The following ZNF676 variants were observed in gnomAD, a reference collection of about 807,000 sequenced individuals.
ZNF676 encodes zinc finger protein 676.
ZNF676 carries 4 observed loss-of-function variants against 6.0 expected under a neutral mutation model. That is an observed-to-expected ratio of 0.67 (90% CI 0.33 to 1.53). The LOEUF is 1.53. Ranked by LOEUF, ZNF676 falls within the 40% of genes most tolerant of loss-of-function variation. The pLI, the probability that ZNF676 is intolerant of heterozygous loss-of-function variation, is 0.06. For missense variants in ZNF676, 644 were observed against 679.7 expected (o/e 0.95, Z 0.58); for synonymous variants, 198 against 223.1 (o/e 0.89, Z 1.00).
chr19:22,180,311 C>G lies in ZNF676; in HGVS notation c.1406G>C (p.Arg469Thr). 1 of 1,611,488 alleles carries G rather than the reference C, an allele frequency of 6.2e-7. No individual in the cohort carries two copies. Among genetic ancestry groups the G allele is most frequent in the Non-Finnish European group, 8.5e-7 (1 of 1,178,598 alleles). ...GTAAGGTTTCTCTGCAGCATGAATT[C>G]TCTTGTGTTTAGTAAAGCTTGAGGA... ...TWSSSFTKHK[R>T]IHAAEKPYKC... Residue 469 changes from arginine to threonine, a missense_variant, in exon 3 of 3, where the codon AGA becomes ACA. Transcript: ENST00000397121.
chr19:22,259,989 C>T, the ZNF676 span, among the ~76,000 whole-genome samples: 1 of 152,184 alleles, frequency 6.6e-6, no homozygotes. Flanking sequence ...TGATATGCCG[C>T]AATCCAATTT....
chr19:22,196,736 A>G lies in ZNF676; in HGVS notation c.-103T>C. On this transcript the variant is annotated 5_prime_UTR_variant, in exon 1 of 3. Transcript: ENST00000397121. ...TAAATGTCAATGCTCCCTGGAAAACACACACAAACACATATATTTACCAAT... is the reference window on the plus strand; with the variant it reads ...TAAATGTCAATGCTCCCTGGAAAACGCACACAAACACATATATTTACCAAT... 6.3e-7 allele frequency: 1 copy of G among 1,590,114 alleles called. No homozygotes were observed. The highest frequency in any genetic ancestry group is 8.6e-7 in the Non-Finnish European group (1 of 1,159,388).
the ZNF676 span, among the ~76,000 whole-genome samples, chr19:22,235,130 AGGAAG>A: frequency 6.7e-6 from 1 of 148,682 alleles, no homozygotes; most frequent in South Asian, 2.2e-4. Flanking sequence ...GCAGGAAGGA[AGGAAG>A]GAAGGAAGGA....
At chr19:22,238,577 T>C in the ZNF676 span, among the ~76,000 whole-genome samples, 3 of 152,158 alleles carry the variant, frequency 2.0e-5, no homozygotes, top group Non-Finnish European at 4.4e-5. Context: ...TCCTTAATAT[T>C]CTGTTCCTCT....
upstream of ZNF676, among the ~76,000 whole-genome samples, chr19:22,219,033 A>ATTTT (rs34819381): frequency 1.4e-3 from 168 of 119,694 alleles, no homozygotes; most frequent in African/African-American, 4.8e-3. Context: ...TAGTTTTAGG[A>ATTTT]TTTTTTTTTT....
the ZNF676 span, among the ~76,000 whole-genome samples, chr19:22,251,286 C>T: frequency 3.3e-5 from 5 of 152,110 alleles, no homozygotes; most frequent in African/African-American, 1.2e-4. Context: ...ATCAGTTTTA[C>T]CATGATTTGT....
At chr19:22,259,888 T>G in the ZNF676 span, 2 of 152,244 alleles carry the variant, frequency 1.3e-5, no homozygotes, top group African/African-American at 2.4e-5. Flanking sequence ...CATATCACCT[T>G]AGTTATGAGC....
At chr19:22,209,653 A>G (rs1182513927) in intron 1 of ZNF676, among the ~76,000 whole-genome samples, 1 of 152,164 alleles carries the variant, frequency 6.6e-6, no homozygotes, top group African/African-American at 2.4e-5. Flanking sequence ...CAAAAATAAA[A>G]GTTAAAAGAA....
chr19:22,179,898 A>C lies in ZNF676; in HGVS notation c.*52T>G, dbSNP rs572712078. On this transcript the variant is annotated 3_prime_UTR_variant, in exon 3 of 3. Coordinates refer to ENST00000397121, the MANE Select transcript of ZNF676 (RefSeq NM_001001411.3). ...TTTTCTCTCCAGTATGAATTTTCTT[A>C]TGTTTACTAGACTGAGAATCAGCTG... is the stretch of plus-strand genomic sequence containing the variant. 3.2e-6 allele frequency: 5 copies of C among 1,568,390 alleles called. No individual in the cohort carries two copies. In the Admixed American group the frequency reaches 5.2e-5, roughly 16 times the overall value.
At chr19:22,191,657 G>A (rs560848462) in intron 2 of ZNF676, among the ~76,000 whole-genome samples, 14 of 152,128 alleles carry the variant, frequency 9.2e-5, no homozygotes, top group Admixed American at 3.9e-4. Context: ...CTGCCCTAGC[G>A]TCTACCCTAC....
upstream of ZNF676, among the ~76,000 whole-genome samples, chr19:22,217,707 T>C (rs1299387870): frequency 1.3e-5 from 2 of 151,274 alleles, no homozygotes; most frequent in Non-Finnish European, 2.9e-5. Context: ...TGTTTGTTTG[T>C]TTGTTTGTTT....
At chr19:22,215,802 C>G (rs12981891), upstream of ZNF676, 3,348 of 688,760 alleles carry the variant, frequency 4.9e-3, 37 homozygotes, top group Non-Finnish European at 7.3e-3. Context: ...ACCTGTCCCC[C>G]CCCCCAGCTG....
At chr19:22,181,833 T>C (rs762184061) in intron 2 of ZNF676, among the ~76,000 whole-genome samples, 54 of 152,090 alleles carry the variant, frequency 3.6e-4, no homozygotes, top group Admixed American at 1.3e-3. Context: ...AAGAGCCACA[T>C]AGAAAACAAG....
chr19:22,238,838 G>A, the ZNF676 span, among the ~76,000 whole-genome samples: 1,178 of 152,218 alleles, frequency 7.7e-3, 24 homozygotes, highest in African/African-American at 0.026. Context: ...GGGAGACTAG[G>A]CCAGTCTTTC....
At chr19:22,253,372 GTATATATATATATATATATATATGATAA>G in the ZNF676 span, among the ~76,000 whole-genome samples, 2 of 90,858 alleles carry the variant, frequency 2.2e-5, no homozygotes, top group African/African-American at 8.0e-5. Context: ...GTGTGTGTGT[GTATATATATATATATATATATATGATAA>G]TGTGTATATA....
At chr19:22,226,576 T>TAAA in the ZNF676 span, among the ~76,000 whole-genome samples, 1 of 137,488 alleles carries the variant, frequency 7.3e-6, no homozygotes, top group Non-Finnish European at 1.5e-5. Flanking sequence ...ATTTATTTTA[T>TAAA]TTAGAGAGAG....
At chr19:22,252,451 A>G in the ZNF676 span, among the ~76,000 whole-genome samples, 20 of 151,208 alleles carry the variant, frequency 1.3e-4, 1 homozygote, top group East Asian at 3.9e-3. Context: ...AAAAAAAAGA[A>G]GAGTCAAATC....
chr19:22,179,910 CTG>C lies in ZNF676; in HGVS notation c.*38_*39del. The C allele has an allele frequency of 6.3e-7, 1 of 1,587,974 alleles. No individual in the cohort carries two copies. The highest frequency in any genetic ancestry group is 8.6e-7 in the Non-Finnish European group (1 of 1,161,460). The stretch of plus-strand genomic sequence containing the variant: ...TATGAATTTTCTTATGTTTACTAGA[CTG>C]AGAATCAGCTGAAGGATTTACCACA... On this transcript the variant is annotated 3_prime_UTR_variant, in exon 3 of 3. Coordinates refer to ENST00000397121, the MANE Select transcript of ZNF676 (RefSeq NM_001001411.3).
rs1306097191 is a variant in ZNF676 at position 22,181,084 on chromosome 19, G to T, written c.633C>A (p.Ile211=). 1.3e-6 allele frequency: 2 copies of T among 1,598,130 alleles called. No individual in the cohort carries two copies. The highest frequency in any genetic ancestry group is 2.2e-5 in the South Asian group (2 of 90,314). ...ECGKAFSKFS[I]LTKHKVIHTG... ...TATGAATTACCTTATGTTTAGTAAG[G>T]ATTGAGAACTTACTAAAGGCTTTGC... The change falls in exon 3 of 3, where the codon ATC becomes ATA. Residue 211 remains isoleucine, a synonymous_variant. Transcript: ENST00000397121.
Sources: gnomAD v4.1 joint callset for allele counts (sites outside exome capture counted in the v4.1 genomes callset) on GRCh38, gnomAD v4.1.1 for gene constraint, MANE v1.5 for transcripts, NCBI Gene and HGNC (gene_info 2026-07-23, HGNC 2026-07-21) for gene names.